MSTO1: variants seen among roughly 807,000 people sequenced by gnomAD.
The protein encoded by MSTO1 is misato mitochondrial distribution and morphology regulator 1, also known as protein misato homolog 1.
MSTO1 carries 24 observed loss-of-function variants against 55.7 expected under a neutral mutation model. That is an observed-to-expected ratio of 0.43 (90% CI 0.31 to 0.61). MSTO1 has a LOEUF of 0.61. Among genes scored for constraint, MSTO1 ranks in the 20% least tolerant of loss-of-function variants. The pLI, the probability that MSTO1 is intolerant of heterozygous loss-of-function variation, is 0.09. For synonymous variants in MSTO1, 162 were observed against 252.8 expected, an observed-to-expected ratio of 0.64 and a Z score of 3.41; for missense variants, 363 against 625.7, an observed-to-expected ratio of 0.58 and a Z score of 4.48.
At chr1:155,604,077 T>G in the MSTO1 span, among the ~76,000 whole-genome samples, 1 of 152,206 alleles carries the variant, frequency 6.6e-6, no homozygotes, top group Non-Finnish European at 1.5e-5. Context: ...AATGCTTTAA[T>G]AAACATATTA....
At chr1:155,586,295 G>A in the MSTO1 span, among the ~76,000 whole-genome samples, 3 of 148,948 alleles carry the variant, frequency 2.0e-5, no homozygotes, top group South Asian at 2.1e-4. Context: ...CACCCGCCTC[G>A]GCCTCCCTAA....
chr1:155,578,994 A>G, the MSTO1 span, among the ~76,000 whole-genome samples: 45 of 150,558 alleles, frequency 3.0e-4, no homozygotes, highest in South Asian at 8.2e-3. Flanking sequence ...AAAAGCTGTC[A>G]TGTGGAAGAT....
the MSTO1 span, among the ~76,000 whole-genome samples, chr1:155,601,304 T>G: frequency 0.014 from 2,066 of 151,796 alleles, 50 homozygotes; most frequent in African/African-American, 0.048. Flanking sequence ...CGGCTATTTT[T>G]TTTTGTATTT....
chr1:155,606,035 CT>C (rs922065836), upstream of MSTO1, among the ~76,000 whole-genome samples: 4 of 151,084 alleles, frequency 2.6e-5, no homozygotes, highest in East Asian at 1.9e-4. Context: ...GTAGATCCAA[CT>C]TTTTTTTTCT....
At chr1:155,580,256 T>G in the MSTO1 span, among the ~76,000 whole-genome samples, 10 of 147,836 alleles carry the variant, frequency 6.8e-5, no homozygotes, top group East Asian at 2.0e-3. Context: ...CCGAGTGTGG[T>G]GGCTCACACC....
the MSTO1 span, among the ~76,000 whole-genome samples, chr1:155,586,085 C>T: frequency 1.3e-5 from 2 of 152,186 alleles, no homozygotes; most frequent in South Asian, 2.1e-4. Flanking sequence ...TGTCAATGGA[C>T]ATACGGACAT....
chr1:155,610,233 C>A lies in MSTO1; in HGVS notation c.-16C>A, dbSNP rs779043435. 5.6e-5 allele frequency: 34 copies of A among 609,802 alleles called. No individual in the cohort carries two copies. Among genetic ancestry groups the A allele is most frequent in the Middle Eastern group, 4.4e-4 (1 of 2,284 alleles). 37.8% of individuals were successfully genotyped at this position (609,802 alleles called of 1,614,324 possible). A position where few individuals can be genotyped will look rare whatever the true frequency, so the allele number is the denominator to read the frequency against. On this transcript the variant is annotated 5_prime_UTR_variant, in exon 1 of 14. Coordinates refer to ENST00000245564, the MANE Select transcript of MSTO1 (RefSeq NM_018116.4). ...CGGCGCGGCTGAGGCGCGGCGGCCC[C>A]GTGGAGCAGCGCAGTATGGCGGGCG... is the stretch of plus-strand genomic sequence containing the variant.
rs1249016500 is a variant in MSTO1 at position 155,614,114 on chromosome 1, G to C, written c.1554G>C (p.Gln518His). ...GALCSSSSLH[Q>H]TLEALARDLT... ...TGTGTTCCTCTTCGTCCCTGCACCAGACCCTGGAAGCCTTGGCCAGAGACC... is the reference window on the plus strand; with the variant it reads ...TGTGTTCCTCTTCGTCCCTGCACCACACCCTGGAAGCCTTGGCCAGAGACC... The change falls in exon 14 of 14, where the codon CAG (glutamine) becomes CAC (histidine). Residue 518 changes from glutamine (Q) to histidine (H), a missense_variant. Physicochemically the swap from Gln to His is conservative, Grantham distance 24 (BLOSUM62 0). Coordinates refer to ENST00000245564, the MANE Select transcript of MSTO1 (RefSeq NM_018116.4). The C allele has an allele frequency of 2.0e-6, 3 of 1,513,860 alleles. No individual in the cohort carries two copies. The highest frequency in any genetic ancestry group is 2.7e-6 in the Non-Finnish European group (3 of 1,121,906). 93.8% of individuals were successfully genotyped at this position (1,513,860 alleles called of 1,614,324 possible). A position where few individuals can be genotyped will look rare whatever the true frequency, so the allele number is the denominator to read the frequency against.
chr1:155,564,907 G>A, the MSTO1 span, among the ~76,000 whole-genome samples: 1 of 152,064 alleles, frequency 6.6e-6, no homozygotes, highest in Non-Finnish European at 1.5e-5. Flanking sequence ...GGATCACGAG[G>A]TCACAAGTTC....
rs375252919 is a variant in MSTO1, at chr1:155,612,205, G to A, written c.702G>A (p.Leu234=). ...YLQGFQILCD[L]HDGFSGVGAK... ...AGGGCTTCCAGATCCTGTGTGACCT[G>A]CACGATGGCTTCTCTGGGGTAGGCG... is the stretch of plus-strand genomic sequence containing the variant. Residue 234 remains leucine (L), a synonymous_variant, in exon 8 of 14, where the codon CTG becomes CTA. Coordinates refer to ENST00000245564, the MANE Select transcript of MSTO1 (RefSeq NM_018116.4). The A allele has an allele frequency of 6.2e-7, 1 of 1,613,038 alleles. No individual in the cohort carries two copies.
the MSTO1 span, chr1:155,563,585 C>T: frequency 2.4e-5 from 11 of 456,300 alleles, no homozygotes; most frequent in Non-Finnish European, 4.0e-5. Flanking sequence ...CCTTGACGCA[C>T]TTACTCATGG....
chr1:155,570,115 A>G, the MSTO1 span, among the ~76,000 whole-genome samples: 3 of 152,202 alleles, frequency 2.0e-5, no homozygotes, highest in Non-Finnish European at 4.4e-5. Context: ...ATTCATTTCA[A>G]TACCTCAGTG....
At chr1:155,609,163 C>G (rs947974402), upstream of MSTO1, among the ~76,000 whole-genome samples, 5 of 145,916 alleles carry the variant, frequency 3.4e-5, no homozygotes, top group Non-Finnish European at 7.5e-5. Flanking sequence ...GAATGTTAAT[C>G]ATAGCACCTA....
In MSTO1 at chr1:155,614,635, G is replaced by T; in HGVS notation, c.*362G>T. The T allele has an allele frequency of 9.3e-7, 1 of 1,076,604 alleles. No individual in the cohort carries two copies. The highest frequency in any genetic ancestry group is 2.2e-4 in the Middle Eastern group (1 of 4,552). 66.7% of individuals were successfully genotyped at this position (1,076,604 alleles called of 1,614,324 possible). On this transcript the variant is annotated 3_prime_UTR_variant, in exon 14 of 14. Transcript: ENST00000245564. Reference sequence around the variant, plus strand: ...TCCAGATCTGTAAACTGGGCTCAAGGACTGTACAAGCAGAGTACAACTACC... The same window carrying T: ...TCCAGATCTGTAAACTGGGCTCAAGTACTGTACAAGCAGAGTACAACTACC...
chr1:155,612,522 G>T lies in MSTO1; in HGVS notation c.918G>T (p.Leu306=). The T allele has an allele frequency of 1.2e-5, 19 of 1,613,602 alleles. No homozygotes were observed. The highest frequency in any genetic ancestry group is 1.6e-5 in the Non-Finnish European group (19 of 1,179,978). ...LVCPLSLGGS[L]GLRPEPPVSF... Reference sequence around the variant, plus strand: ...GCCCCTTGTCCTTGGGTGGGAGCCTGGGCCTGCGACCCGAGCCACCTGTCA... The same window carrying T: ...GCCCCTTGTCCTTGGGTGGGAGCCTTGGCCTGCGACCCGAGCCACCTGTCA... Residue 306 remains leucine, a synonymous_variant, in exon 9 of 14, where the codon CTG becomes CTT. Coordinates refer to ENST00000245564, the MANE Select transcript of MSTO1 (RefSeq NM_018116.4).
the MSTO1 span, among the ~76,000 whole-genome samples, chr1:155,603,322 G>T: frequency 6.6e-6 from 1 of 152,028 alleles, no homozygotes; most frequent in Non-Finnish European, 1.5e-5. Flanking sequence ...ACTTGAACCT[G>T]AGAGGTGGAG....
At chr1:155,581,159 T>G in the MSTO1 span, among the ~76,000 whole-genome samples, 1 of 152,150 alleles carries the variant, frequency 6.6e-6, no homozygotes, top group African/African-American at 2.4e-5. Context: ...AGAGACGCAG[T>G]CTTGCTATCT....
At chr1:155,586,647 A>G in the MSTO1 span, 8 of 473,424 alleles carry the variant, frequency 1.7e-5, no homozygotes, top group African/African-American at 1.6e-4. Context: ...TTTTTTTTTT[A>G]AGAGTACAAG....
the MSTO1 span, among the ~76,000 whole-genome samples, chr1:155,599,385 T>C: frequency 6.6e-6 from 1 of 152,214 alleles, no homozygotes; most frequent in Non-Finnish European, 1.5e-5. Flanking sequence ...CATAAACTCC[T>C]GCCTTAGAGG....
Sources: allele counts gnomAD v4.1 joint callset (sites outside exome capture counted in the v4.1 genomes callset), GRCh38; gene constraint gnomAD v4.1.1; transcripts MANE v1.5; gene names NCBI Gene and HGNC (gene_info 2026-07-23, HGNC 2026-07-21).